MICU1: variants seen among roughly 807,000 people sequenced by gnomAD.
The protein encoded by MICU1 is mitochondrial calcium uptake 1.
Under a neutral mutation model 56.8 loss-of-function variants are expected in MICU1, and 45 were observed. That is an observed-to-expected ratio of 0.79 (90% CI 0.62 to 1.02). The LOEUF is 1.02. Ranked by LOEUF, MICU1 falls within the 50% of genes least tolerant of loss-of-function variation. The probability of loss-of-function intolerance (pLI) is 0.00; values close to 1 mark genes in which losing one functional copy is unlikely to be tolerated. For synonymous variants in MICU1, 186 were observed against 195.1 expected, an observed-to-expected ratio of 0.95 and a Z score of 0.39; for missense variants, 504 against 587.1, an observed-to-expected ratio of 0.86 and a Z score of 1.46.
intron 8 of MICU1, among the ~76,000 whole-genome samples, chr10:72,450,477 C>T (rs997397802): frequency 1.3e-5 from 2 of 151,792 alleles, no homozygotes; most frequent in Non-Finnish European, 2.9e-5. Context: ...AGTGATTGTG[C>T]GAATGGAGGT....
At chr10:72,415,805 A>G (rs1198877588) in intron 9 of MICU1, among the ~76,000 whole-genome samples, 1 of 152,182 alleles carries the variant, frequency 6.6e-6, no homozygotes, top group Non-Finnish European at 1.5e-5. Flanking sequence ...GAGAATAAGG[A>G]GTGGCAACAA....
chr10:72,448,193 ATTTT>A (rs71018289), intron 8 of MICU1, among the ~76,000 whole-genome samples: 1,123 of 36,716 alleles, frequency 0.031, 26 homozygotes, highest in East Asian at 0.19. Flanking sequence ...ATATATATAT[ATTTT>A]TTTTTTTTTT....
rs1333881835 is a variant in MICU1, at chr10:72,512,100, GTTTTTTGTTTTTTT to G, written c.538-3845_538-3832del. On this transcript the variant is annotated intron_variant, in intron 5 of 11. Coordinates refer to ENST00000361114, the MANE Select transcript of MICU1 (RefSeq NM_001195518.2). ...ATCAATCTGGCATCCATACACAGTTGTTTTTTGTTTTTTTTTTTTTTTTTTTTTTTGAGACGGAG... is the reference window on the plus strand; with the variant it reads ...ATCAATCTGGCATCCATACACAGTTGTTTTTTTTTTTTTTTTGAGACGGAG... Among the ~76,000 whole-genome samples the G allele has an allele frequency of 1.1e-4, 9 of 82,334 alleles. No homozygotes were observed. In the East Asian group the frequency reaches 1.1e-3, roughly 10 times the overall value. 54.0% of individuals were successfully genotyped at this position (82,334 alleles called of 152,430 possible).
chr10:72,595,473 GA>G (rs11313788), intron 1 of MICU1, among the ~76,000 whole-genome samples: 68,172 of 123,148 alleles, frequency 0.55, 19,165 homozygotes, highest in Non-Finnish European at 0.63. Context: ...AAGAAAAAAA[GA>G]AAAAAAAAAA....
At chr10:72,521,375 GAC>G (rs1179607915) in intron 5 of MICU1, among the ~76,000 whole-genome samples, 1 of 152,012 alleles carries the variant, frequency 6.6e-6, no homozygotes, top group Non-Finnish European at 1.5e-5. Flanking sequence ...GACCATTAAA[GAC>G]AACATTAAAG....
At chr10:72,410,202 G>A (rs1366660736) in intron 9 of MICU1, among the ~76,000 whole-genome samples, 1 of 152,056 alleles carries the variant, frequency 6.6e-6, no homozygotes, top group East Asian at 1.9e-4. Context: ...CATTTTTATT[G>A]CTATAAAGTA....
chr10:72,586,720 C>T (rs1173848224), intron 1 of MICU1, among the ~76,000 whole-genome samples: 3 of 151,736 alleles, frequency 2.0e-5, no homozygotes, highest in Non-Finnish European at 4.4e-5. Flanking sequence ...TTTCCTAGAC[C>T]TAAAGGCTCC....
intron 9 of MICU1, among the ~76,000 whole-genome samples, chr10:72,421,234 C>A (rs1643753992): frequency 6.6e-6 from 1 of 151,390 alleles, no homozygotes; most frequent in African/African-American, 2.4e-5. Flanking sequence ...TCAGTCCTAT[C>A]ATCTTTTCTT....
At chr10:72,624,226 G>A (rs901716610) in intron 1 of MICU1, among the ~76,000 whole-genome samples, 3 of 152,152 alleles carry the variant, frequency 2.0e-5, no homozygotes, top group Admixed American at 1.3e-4. Flanking sequence ...ACAGGGTATC[G>A]CTCTGTCGCC....
At chr10:72,442,602 T>G (rs1205461966) in intron 8 of MICU1, among the ~76,000 whole-genome samples, 2 of 152,262 alleles carry the variant, frequency 1.3e-5, no homozygotes, top group Non-Finnish European at 2.9e-5. Flanking sequence ...CTTTTCTTTA[T>G]GCCATTTTCC....
At chr10:72,458,479 C>A (rs548591831) in intron 8 of MICU1, among the ~76,000 whole-genome samples, 20 of 152,114 alleles carry the variant, frequency 1.3e-4, no homozygotes, top group African/African-American at 4.6e-4. Flanking sequence ...TTTATTTTTC[C>A]AGTTGCGTAT....
At chr10:72,489,284 ACT>A (rs1866572789) in intron 6 of MICU1, among the ~76,000 whole-genome samples, 1 of 25,408 alleles carries the variant, frequency 3.9e-5, no homozygotes, top group African/African-American at 1.1e-4. Context: ...ACAGAGCGAG[ACT>A]CTGTCACACA....
chr10:72,524,830 A>C, intron 5 of MICU1: 1 of 874,046 alleles, frequency 1.1e-6, no homozygotes, highest in Non-Finnish European at 1.5e-6. Flanking sequence ...ATCACAAAAC[A>C]TAATATACAA....
chr10:72,451,118 T>G (rs1865285792), intron 8 of MICU1, among the ~76,000 whole-genome samples: 1 of 150,644 alleles, frequency 6.6e-6, no homozygotes, highest in African/African-American at 2.4e-5. Context: ...TCCGCCTTTC[T>G]GGTTCAAGTG....
At chr10:72,441,835 C>T (rs1327650027) in intron 8 of MICU1, among the ~76,000 whole-genome samples, 1 of 151,976 alleles carries the variant, frequency 6.6e-6, no homozygotes, top group African/African-American at 2.4e-5. Flanking sequence ...CCAGGCTGGA[C>T]TTGAACTCCT....
chr10:72,449,083 C>A (rs1013752581), intron 8 of MICU1, among the ~76,000 whole-genome samples: 3 of 152,134 alleles, frequency 2.0e-5, no homozygotes, highest in Non-Finnish European at 2.9e-5. Context: ...CAGGCATTTG[C>A]CACCATGACC....
In MICU1 at chr10:72,524,872, G is replaced by GCC. The variant is rs1292609432; in HGVS notation, c.537+8873_537+8874insGG. On this transcript the variant is annotated intron_variant, in intron 5 of 11. Coordinates refer to ENST00000361114, the MANE Select transcript of MICU1 (RefSeq NM_001195518.2). ...AGTTAAAACCTGTAATAATATCACTGAACACCTGGAAGTAGGAAATGAGGA... is the reference window on the plus strand; with the variant it reads ...AGTTAAAACCTGTAATAATATCACTGCCAACACCTGGAAGTAGGAAATGAGGA... 6.3e-5 allele frequency: 33 copies of GCC among 522,474 alleles called. No homozygotes were observed. In the East Asian group the frequency reaches 1.0e-3, roughly 16 times the overall value. 32.4% of individuals were successfully genotyped at this position (522,474 alleles called of 1,614,324 possible). A position where few individuals can be genotyped will look rare whatever the true frequency, so the allele number is the denominator to read the frequency against.
chr10:72,391,939 A>T (rs941175499), intron 10 of MICU1: 1 of 152,036 alleles, frequency 6.6e-6, no homozygotes, highest in African/African-American at 2.4e-5. Flanking sequence ...CTAATCCCTC[A>T]CTGTTCAAGG....
intron 9 of MICU1, among the ~76,000 whole-genome samples, chr10:72,416,851 C>T (rs1344177849): frequency 6.6e-6 from 1 of 152,120 alleles, no homozygotes. Context: ...TTTATCATTG[C>T]ACTTGATAAG....
Sources: gnomAD v4.1 joint callset for allele counts (sites outside exome capture counted in the v4.1 genomes callset) on GRCh38, gnomAD v4.1.1 for gene constraint, MANE v1.5 for transcripts, NCBI Gene and HGNC (gene_info 2026-07-23, HGNC 2026-07-21) for gene names.